Variants in CSMD1 observed in about 807,000 individuals in gnomAD.
The protein encoded by CSMD1 is CUB and Sushi multiple domains 1.
CSMD1 carries 213 observed loss-of-function variants against 417.5 expected under a neutral mutation model. The observed-to-expected ratio is 0.51, with a 90% CI of 0.46 to 0.57. The LOEUF (loss-of-function observed/expected upper bound fraction) is 0.57, where lower values mean the gene tolerates loss of function less well. Among genes scored for constraint, CSMD1 ranks in the 20% least tolerant of loss-of-function variants. The pLI is 0.00. For synonymous variants in CSMD1, 2,862 were observed against 1,736.8 expected, an observed-to-expected ratio of 1.65 and a Z score of -16.11; for missense variants, 6,923 against 4,529.7, an observed-to-expected ratio of 1.53 and a Z score of -15.17.
chr8:4,453,822 T>TA (rs1799302733), intron 2 of CSMD1, among the ~76,000 whole-genome samples: 1 of 125,220 alleles, frequency 8.0e-6, no homozygotes. Flanking sequence ...TTCTTTTTTT[T>TA]TTTTTTTTTT....
At chr8:4,175,787 G>C (rs1056311421) in intron 3 of CSMD1, among the ~76,000 whole-genome samples, 2 of 152,166 alleles carry the variant, frequency 1.3e-5, no homozygotes, top group South Asian at 2.1e-4. Flanking sequence ...TGAATACTAT[G>C]ATGATCATGG....
At chr8:3,900,728 C>A (rs1405022550) in intron 5 of CSMD1, among the ~76,000 whole-genome samples, 1 of 151,206 alleles carries the variant, frequency 6.6e-6, no homozygotes, top group Non-Finnish European at 1.5e-5. Context: ...CTGGGTGACA[C>A]TATAGCTAGC....
chr8:4,294,083 G>T (rs1365373982), intron 3 of CSMD1, among the ~76,000 whole-genome samples: 1 of 152,146 alleles, frequency 6.6e-6, no homozygotes, highest in Non-Finnish European at 1.5e-5. Context: ...CTGCGAAGTT[G>T]AAGTTCTATA....
At chr8:3,225,515 G>T (rs568513665) in intron 27 of CSMD1, among the ~76,000 whole-genome samples, 1 of 152,062 alleles carries the variant, frequency 6.6e-6, no homozygotes, top group African/African-American at 2.4e-5. Flanking sequence ...AGCGTGGACC[G>T]ATCAGGGAGC....
At chr8:3,472,356 C>A (rs1350543771) in intron 11 of CSMD1, among the ~76,000 whole-genome samples, 1 of 152,072 alleles carries the variant, frequency 6.6e-6, no homozygotes, top group Admixed American at 6.6e-5. Flanking sequence ...ACACACTTCC[C>A]AATTCTTGGG....
chr8:3,717,724 T>C (rs889163128), intron 6 of CSMD1, among the ~76,000 whole-genome samples: 4 of 152,306 alleles, frequency 2.6e-5, no homozygotes, highest in South Asian at 4.1e-4. Context: ...AAAAATAAAG[T>C]TGTTAATATT....
chr8:3,254,033 T>G (rs1186757082), intron 26 of CSMD1, among the ~76,000 whole-genome samples: 1 of 152,230 alleles, frequency 6.6e-6, no homozygotes, highest in Non-Finnish European at 1.5e-5. Context: ...TTTCCATGTT[T>G]AGTGCTTCCT....
rs191519200 is a variant in CSMD1, at chr8:4,345,477, C to G, written c.415+74476G>C. Among the ~76,000 whole-genome samples, 5 of 151,994 alleles carry G rather than the reference C, an allele frequency of 3.3e-5. No individual in the cohort carries two copies. The South Asian group carries it at 1.0e-3, about 32-fold the overall frequency. Reference sequence around the variant, plus strand: ...AGATAACTGGAATTACATCAAACTACAAAGCTTTTATATAGCAAAGGAAAC... The same window carrying G: ...AGATAACTGGAATTACATCAAACTAGAAAGCTTTTATATAGCAAAGGAAAC... On this transcript the variant is annotated intron_variant, in intron 3 of 69. Transcript: ENST00000635120.
chr8:4,920,545 G>A (rs375638668), intron 1 of CSMD1, among the ~76,000 whole-genome samples: 3 of 152,178 alleles, frequency 2.0e-5, no homozygotes, highest in African/African-American at 7.2e-5. Context: ...GGTGAGGCCA[G>A]GCACAGTGGC....
intron 6 of CSMD1, among the ~76,000 whole-genome samples, chr8:3,724,606 T>G (rs544077705): frequency 1.3e-5 from 2 of 152,268 alleles, no homozygotes; most frequent in South Asian, 2.1e-4. Context: ...GGAATGAGAA[T>G]TGGCCTCTGG....
chr8:4,338,376 T>C (rs960249350), intron 3 of CSMD1, among the ~76,000 whole-genome samples: 1 of 152,090 alleles, frequency 6.6e-6, no homozygotes, highest in African/African-American at 2.4e-5. Context: ...ATATCTTATG[T>C]TTGCAAATTA....
chr8:4,050,002 G>A (rs1212545897), intron 3 of CSMD1, among the ~76,000 whole-genome samples: 4 of 152,170 alleles, frequency 2.6e-5, no homozygotes, highest in Non-Finnish European at 5.9e-5. Context: ...CTTGTTTTAA[G>A]GGCCTTGATG....
intron 5 of CSMD1, among the ~76,000 whole-genome samples, chr8:3,764,016 G>A (rs1310227303): frequency 6.6e-6 from 1 of 152,142 alleles, no homozygotes. Context: ...CTCCTCAGCA[G>A]GTGTTTGGCA....
At chr8:3,381,417 A>T (rs1810618669) in intron 18 of CSMD1, among the ~76,000 whole-genome samples, 1 of 152,242 alleles carries the variant, frequency 6.6e-6, no homozygotes, top group Admixed American at 6.5e-5. Context: ...ACATTCAAGT[A>T]AAATTATTGA....
chr8:4,972,546 G>C (rs1180550780), intron 1 of CSMD1, among the ~76,000 whole-genome samples: 2 of 152,114 alleles, frequency 1.3e-5, no homozygotes, highest in Admixed American at 6.6e-5. Context: ...AAGCCTCCCA[G>C]CCATGGGGAA....
intron 7 of CSMD1, among the ~76,000 whole-genome samples, chr8:3,649,884 G>C (rs187126188): frequency 1.6e-3 from 244 of 152,076 alleles, no homozygotes; most frequent in Non-Finnish European, 3.0e-3. Context: ...ACATTTTTTT[G>C]AATACTATCT....
intron 2 of CSMD1, among the ~76,000 whole-genome samples, chr8:4,441,096 T>TTTTTTTTTTTTTTTTG (rs1798447040): frequency 1.8e-5 from 1 of 55,614 alleles, no homozygotes; most frequent in Non-Finnish European, 3.3e-5. Context: ...AATCAAAAGG[T>TTTTTTTTTTTTTTTTG]TTTTTTTTTT....
chr8:4,486,531 T>C (rs964401755), intron 2 of CSMD1, among the ~76,000 whole-genome samples: 1 of 151,974 alleles, frequency 6.6e-6, no homozygotes, highest in Non-Finnish European at 1.5e-5. Flanking sequence ...TTTTATCTGT[T>C]TAGTAATATT....
intron 1 of CSMD1, among the ~76,000 whole-genome samples, chr8:4,796,855 C>A (rs1798007271): frequency 6.6e-6 from 1 of 152,140 alleles, no homozygotes; most frequent in South Asian, 2.1e-4. Context: ...TTGCAAAGGT[C>A]TGGGGTCAGG....
Sources: gnomAD v4.1 joint callset for allele counts (sites outside exome capture counted in the v4.1 genomes callset) on GRCh38, gnomAD v4.1.1 for gene constraint, MANE v1.5 for transcripts, NCBI Gene and HGNC (gene_info 2026-07-23, HGNC 2026-07-21) for gene names.